The following USP14 variants were observed in gnomAD, a reference collection of about 807,000 sequenced individuals.
USP14 encodes the protein ubiquitin carboxyl-terminal hydrolase 14.
In USP14, 38 loss-of-function variants were observed where a neutral mutation model predicts 76.5. The observed-to-expected ratio is 0.50, with a 90% CI of 0.38 to 0.65. The LOEUF (loss-of-function observed/expected upper bound fraction) is 0.65, where lower values mean the gene tolerates loss of function less well. Among genes scored for constraint, USP14 ranks in the 30% least tolerant of loss-of-function variants. The pLI, the probability that USP14 is intolerant of heterozygous loss-of-function variation, is 0.00. For synonymous variants in USP14, 192 were observed against 191.7 expected, an observed-to-expected ratio of 1.00 and a Z score of -0.01; for missense variants, 467 against 586.5, an observed-to-expected ratio of 0.80 and a Z score of 2.10.
At chr18:207,044 G>A (rs1490281093) in intron 13 of USP14, among the ~76,000 whole-genome samples, 1 of 106,572 alleles carries the variant, frequency 9.4e-6, no homozygotes, top group African/African-American at 2.9e-5. Context: ...ATATCTGGTT[G>A]TCTCAGCACC....
chr18:187,958 TAATC>T (rs1598273053), intron 5 of USP14, among the ~76,000 whole-genome samples: 1 of 152,206 alleles, frequency 6.6e-6, no homozygotes, highest in Non-Finnish European at 1.5e-5. Context: ...TCTAAATAGA[TAATC>T]AAATCCATTA....
chr18:163,659 A>G (rs926617283), intron 2 of USP14, among the ~76,000 whole-genome samples: 3 of 152,192 alleles, frequency 2.0e-5, no homozygotes, highest in Non-Finnish European at 2.9e-5. Flanking sequence ...ATATGGTATT[A>G]TAAAAACATC....
intron 2 of USP14, among the ~76,000 whole-genome samples, chr18:165,463 C>T (rs1280721800): frequency 1.3e-5 from 2 of 152,246 alleles, no homozygotes; most frequent in South Asian, 2.1e-4. Context: ...ATGCTGAACA[C>T]TGTACTAGTG....
chr18:210,114 A>G, intron 14 of USP14, 83 bp downstream of exon 14: 1 of 1,128,204 alleles, frequency 8.9e-7, no homozygotes, highest in Non-Finnish European at 1.3e-6. Flanking sequence ...ATATTTACTT[A>G]TTCTGATGTG....
Position 166,542 on chromosome 18 carries a change from C to A in USP14, c.163-245C>A, listed in dbSNP as rs1785049. Among the ~76,000 whole-genome samples the A allele has an allele frequency of 0.62, 93,539 of 151,884 alleles. 28,980 individuals carry two copies. Among genetic ancestry groups the A allele is most frequent in the South Asian group, 0.7 (3,364 of 4,822 alleles). ...GAGATGGAGTTTCTTTATATTGGTC[C>A]GGCTGGTTTCGAACTCCTGACCGCA... is the stretch of plus-strand genomic sequence containing the variant. On this transcript the variant is annotated intron_variant, in intron 2 of 15. Transcript: ENST00000261601.
At chr18:201,052 C>T (rs1005865728) in intron 10 of USP14, among the ~76,000 whole-genome samples, 3 of 152,176 alleles carry the variant, frequency 2.0e-5, no homozygotes, top group South Asian at 2.1e-4. Flanking sequence ...CCGCCCACCT[C>T]GGCCTCCCAA....
chr18:196,223 C>T (rs577677452), intron 6 of USP14, among the ~76,000 whole-genome samples: 77 of 151,976 alleles, frequency 5.1e-4, no homozygotes, highest in African/African-American at 1.8e-3. Context: ...ACTCGGGAGG[C>T]CCTTCTGTGT....
intron 2 of USP14, among the ~76,000 whole-genome samples, chr18:165,920 G>A (rs940871495): frequency 2.0e-5 from 3 of 152,124 alleles, no homozygotes; most frequent in African/African-American, 7.2e-5. Flanking sequence ...ATAAAAGGGA[G>A]TAATATAGAA....
At chr18:210,089 T>TTTAC in intron 14 of USP14, 58 bp downstream of exon 14, 1 of 1,345,346 alleles carries the variant, frequency 7.4e-7, no homozygotes. Flanking sequence ...TAAGGTAAAA[T>TTTAC]TTACATCTTA....
In USP14 at chr18:196,753, C is replaced by T; in HGVS notation, c.580C>T (p.Gln194Ter). The stretch of plus-strand genomic sequence containing the variant: ...GTTTGCCGAGAAAGGTGAACAAGGA[C>T]AGTATCTTCAACAGGTAATTAGGGC... ...PQFAEKGEQG[Q>*]YLQQDANECW... The change falls in exon 7 of 16, where the codon CAG becomes TAG. Residue 194 changes from glutamine (Q) to a stop codon, truncating the protein, a stop_gained. Transcript: ENST00000261601. LOFTEE classifies it high-confidence loss of function. The T allele has an allele frequency of 1.2e-6, 2 of 1,613,890 alleles. No individual in the cohort carries two copies. The highest frequency in any genetic ancestry group is 3.3e-5 in the Admixed American group (2 of 60,002).
chr18:173,370 C>T lies in USP14; in HGVS notation c.196-5563C>T, dbSNP rs184192770. ...TCGTGATCAGCCCGCCTTGGCCTCC[C>T]AAAGTGCTGGGATTACAGGCTTGAG... On this transcript the variant is annotated intron_variant, in intron 3 of 15. Transcript: ENST00000261601. Among the ~76,000 whole-genome samples the T allele has an allele frequency of 6.4e-3, 969 of 151,856 alleles. 8 individuals carry two copies. Among genetic ancestry groups the T allele is most frequent in the South Asian group, 0.045 (214 of 4,806 alleles).
At chr18:173,534 C>G (rs950318565) in intron 3 of USP14, among the ~76,000 whole-genome samples, 1 of 152,140 alleles carries the variant, frequency 6.6e-6, no homozygotes, top group African/African-American at 2.4e-5. Flanking sequence ...GCCTCAGCCT[C>G]CTGAGTAGCT....
chr18:214,519 A>ATTG lies in USP14; in HGVS notation c.*3238_*3240dup, dbSNP rs3084176. ...CAGAGCACCAGCCGACTGTACAACA[A>ATTG]TTGTTATAAAAATGTTTATTGTTTA... On this transcript the variant is annotated 3_prime_UTR_variant, in exon 16 of 16. Coordinates refer to ENST00000261601, the MANE Select transcript of USP14 (RefSeq NM_005151.4). 163,386 of 885,296 alleles carry ATTG rather than the reference A, an allele frequency of 0.18. 17,410 individuals carry two copies. The highest frequency in any genetic ancestry group is 0.22 in the Non-Finnish European group (126,867 of 587,822). 54.8% of individuals were successfully genotyped at this position (885,296 alleles called of 1,614,324 possible).
chr18:189,733 G>A lies in USP14; in HGVS notation c.405-3109G>A, dbSNP rs1404985935. Among the ~76,000 whole-genome samples the A allele has an allele frequency of 5.3e-5, 8 of 152,174 alleles. No homozygotes were observed. The South Asian group carries it at 6.2e-4, about 12-fold the overall frequency. ...CTTGACCTCGTGATCCACCTGCCTC[G>A]GCCTCCCAAGTGCTGGGATTACAGG... On this transcript the variant is annotated intron_variant, in intron 5 of 15. Coordinates refer to ENST00000261601, the MANE Select transcript of USP14 (RefSeq NM_005151.4).
At chr18:199,597 C>A (rs565716739) in intron 10 of USP14, among the ~76,000 whole-genome samples, 1 of 152,184 alleles carries the variant, frequency 6.6e-6, no homozygotes, top group African/African-American at 2.4e-5. Context: ...TAAGATGACC[C>A]CCCAAGCACA....
At chr18:174,533 T>C (rs1015146143) in intron 3 of USP14, among the ~76,000 whole-genome samples, 6 of 152,026 alleles carry the variant, frequency 3.9e-5, no homozygotes, top group Non-Finnish European at 8.8e-5. Context: ...CCCCAAGTGC[T>C]GGGATTATAG....
At chr18:207,031 TGAATATCTGGTTGTCTCAGCA>T (rs1910547727) in intron 13 of USP14, among the ~76,000 whole-genome samples, 6 of 146,852 alleles carry the variant, frequency 4.1e-5, no homozygotes, top group Admixed American at 6.7e-5. Flanking sequence ...GTTTTGCATG[TGAATATCTGGTTGTCTCAGCA>T]CCATTTTTTA....
At position 163,153 on chromosome 18, in the gene USP14, C is replaced by T. The variant is rs547208115; in HGVS notation, c.17-155C>T. The T allele has an allele frequency of 2.7e-5, 16 of 585,672 alleles. No individual in the cohort carries two copies. In the African/African-American group the frequency reaches 3.0e-4, roughly 11 times the overall value. 36.3% of individuals were successfully genotyped at this position (585,672 alleles called of 1,614,324 possible). On this transcript the variant is annotated intron_variant, in intron 1 of 15. Transcript: ENST00000261601. ...GTGAAATTTTATTCAGCACCTACTGCATGCATGCTCCTCTTGATTAGGTAA... is the reference window on the plus strand; with the variant it reads ...GTGAAATTTTATTCAGCACCTACTGTATGCATGCTCCTCTTGATTAGGTAA...
chr18:204,612 G>A lies in USP14; in HGVS notation c.1084G>A (p.Glu362Lys). 2 of 1,613,116 alleles carry A rather than the reference G, an allele frequency of 1.2e-6. No homozygotes were observed. The highest frequency in any genetic ancestry group is 1.7e-6 in the Non-Finnish European group (2 of 1,179,622). The stretch of plus-strand genomic sequence containing the variant: ...GGATATGTATGAACTGTGTACACCA[G>A]AACTTCAAGAGAAAATGGTGTCTTT... ...MLDMYELCTP[E>K]LQEKMVSFRS... Residue 362 changes from glutamate (E) to lysine (K), a missense_variant, in exon 13 of 16, where the codon GAA (glutamate) becomes AAA (lysine). Glu to Lys is a moderately conservative substitution (Grantham distance 56). Transcript: ENST00000261601.
Sources: allele counts gnomAD v4.1 joint callset (sites outside exome capture counted in the v4.1 genomes callset), GRCh38; gene constraint gnomAD v4.1.1; transcripts MANE v1.5; gene names NCBI Gene and HGNC (gene_info 2026-07-23, HGNC 2026-07-21).